The following THRB variants were observed in gnomAD, a reference collection of about 807,000 sequenced individuals.
THRB encodes the protein thyroid hormone receptor beta.
THRB carries 12 observed loss-of-function variants against 47.8 expected under a neutral mutation model. The ratio of observed to expected loss-of-function variants is 0.25; its 90% CI spans 0.16 to 0.41. The LOEUF (loss-of-function observed/expected upper bound fraction) is 0.41. Among genes scored for constraint, THRB ranks in the 10% least tolerant of loss-of-function variants. The probability of loss-of-function intolerance (pLI) is 1.00; values close to 1 mark genes in which losing one functional copy is unlikely to be tolerated. For synonymous variants in THRB, 218 were observed against 212.2 expected (o/e 1.03, Z -0.24); for missense variants, 348 against 589.2 (o/e 0.59, Z 4.24).
chr3:24,234,607 ATGGAGCCCACTCCTGCAAGGCTTAGG>A (rs1300680555), intron 3 of THRB, among the ~76,000 whole-genome samples: 2 of 152,210 alleles, frequency 1.3e-5, no homozygotes, highest in Non-Finnish European at 2.9e-5. Flanking sequence ...TGAATTACTC[ATGGAGCCCACTCCTGCAAGGCTTAGG>A]TGAAGAACCA....
chr3:24,257,385 G>C (rs1209616965), intron 3 of THRB, among the ~76,000 whole-genome samples: 7 of 152,034 alleles, frequency 4.6e-5, no homozygotes, highest in Admixed American at 6.5e-5. Flanking sequence ...AAAACTCTGA[G>C]AAGAAACTAA....
intron 3 of THRB, among the ~76,000 whole-genome samples, chr3:24,263,640 T>G (rs1484110466): frequency 1.3e-5 from 2 of 151,156 alleles, no homozygotes; most frequent in African/African-American, 4.9e-5. Context: ...TTGCTGGCAT[T>G]CCTTCCATAC....
chr3:24,130,747 T>C lies in THRB; in HGVS notation c.885+2569A>G, dbSNP rs551460982. ...GCAACACATATCAAAAGCCTGTATA[T>C]CTCGGTCCTTAAATTCCATGTCCAG... On this transcript the variant is annotated intron_variant, in intron 9 of 10. Transcript: ENST00000646209. 6.6e-5 allele frequency among the ~76,000 whole-genome samples: 10 copies of C among 152,252 alleles called. No homozygotes were observed. In the South Asian group the frequency reaches 2.1e-3, roughly 32 times the overall value.
At chr3:24,135,973 T>C (rs2034619844) in intron 8 of THRB, among the ~76,000 whole-genome samples, 1 of 151,700 alleles carries the variant, frequency 6.6e-6, no homozygotes, top group East Asian at 1.9e-4. Flanking sequence ...TAAACATCTC[T>C]CAATGAATAC....
intron 2 of THRB, among the ~76,000 whole-genome samples, chr3:24,318,073 A>G (rs2058244992): frequency 6.6e-6 from 1 of 152,156 alleles, no homozygotes; most frequent in Non-Finnish European, 1.5e-5. Flanking sequence ...AAAGGAAGGA[A>G]GGAAGGAAGG....
At chr3:24,378,300 G>T (rs1373088922) in intron 1 of THRB, among the ~76,000 whole-genome samples, 1 of 152,192 alleles carries the variant, frequency 6.6e-6, no homozygotes, top group Non-Finnish European at 1.5e-5. Flanking sequence ...TTGGATAAAT[G>T]TAGTAAAATT....
At chr3:24,295,360 A>G (rs893730457) in intron 3 of THRB, among the ~76,000 whole-genome samples, 1 of 152,242 alleles carries the variant, frequency 6.6e-6, no homozygotes, top group Non-Finnish European at 1.5e-5. Context: ...AATACAGTAT[A>G]GGATTACTAG....
At chr3:24,346,145 A>C (rs2063000094) in intron 1 of THRB, among the ~76,000 whole-genome samples, 1 of 152,144 alleles carries the variant, frequency 6.6e-6, no homozygotes, top group African/African-American at 2.4e-5. Flanking sequence ...AATAATTGTT[A>C]TATCTTGTGG....
chr3:24,493,250 T>C (rs561645550), intron 1 of THRB, among the ~76,000 whole-genome samples: 3 of 152,342 alleles, frequency 2.0e-5, no homozygotes, highest in East Asian at 1.9e-4. Flanking sequence ...CAGAAGTGAA[T>C]TGGGGAGCAG....
At chr3:24,476,841 T>G (rs1004682876) in intron 1 of THRB, among the ~76,000 whole-genome samples, 2 of 152,182 alleles carry the variant, frequency 1.3e-5, no homozygotes, top group Non-Finnish European at 2.9e-5. Context: ...TTTGAGACAA[T>G]TTTAACGTTC....
chr3:24,230,017 G>C (rs1370203645), intron 3 of THRB, among the ~76,000 whole-genome samples: 1 of 152,220 alleles, frequency 6.6e-6, no homozygotes, highest in African/African-American at 2.4e-5. Flanking sequence ...GAGGTTTGAA[G>C]ATGCTGTGAG....
intron 4 of THRB, 143 bp downstream of exon 4, chr3:24,228,795 G>T (rs1297026025): frequency 1.9e-5 from 14 of 739,240 alleles, no homozygotes; most frequent in Non-Finnish European, 3.3e-5. Context: ...TTCTAGGGAG[G>T]TATTCACAGG....
intron 2 of THRB, among the ~76,000 whole-genome samples, chr3:24,329,722 T>A (rs911635716): frequency 6.6e-6 from 1 of 152,228 alleles, no homozygotes; most frequent in African/African-American, 2.4e-5. Context: ...CACATTTATA[T>A]AACAGACATT....
At chr3:24,345,674 T>C (rs1367093608) in intron 1 of THRB, among the ~76,000 whole-genome samples, 2 of 152,084 alleles carry the variant, frequency 1.3e-5, no homozygotes, top group African/African-American at 4.8e-5. Context: ...TTTATTATTA[T>C]GCTGGCCCAG....
At chr3:24,145,723 G>A (rs1367272056) in intron 7 of THRB, among the ~76,000 whole-genome samples, 1 of 151,758 alleles carries the variant, frequency 6.6e-6, no homozygotes, top group Non-Finnish European at 1.5e-5. Context: ...TTTTTTCTCA[G>A]TGAAAGAACT....
rs747229498 is a variant in THRB, at chr3:24,120,870, C to G, written c.*2014G>C. 6 of 152,182 alleles carry G rather than the reference C, an allele frequency of 3.9e-5. No homozygotes were observed. Among genetic ancestry groups the G allele is most frequent in the Non-Finnish European group, 7.3e-5 (5 of 68,034 alleles). 9.4% of individuals were successfully genotyped at this position (152,182 alleles called of 1,614,324 possible). A position where few individuals can be genotyped will look rare whatever the true frequency, so the allele number is the denominator to read the frequency against. On this transcript the variant is annotated 3_prime_UTR_variant, in exon 11 of 11. Transcript: ENST00000646209. The stretch of plus-strand genomic sequence containing the variant: ...AAGTTCCATAGCAATGTTCTTGTTT[C>G]CTTTTTCCCAGAAGCCAGTACAATT...
rs1383523573 is a variant in THRB at position 24,207,811 on chromosome 3, C to G, written c.23-17477G>C. On this transcript the variant is annotated intron_variant, in intron 4 of 10. Coordinates refer to ENST00000646209, the MANE Select transcript of THRB (RefSeq NM_001354712.2). ...AAGACAGCGATGCCCTCTCTCACCA[C>G]TCCTATTCAACATAGTGTTGGAAGT... 2.6e-5 allele frequency among the ~76,000 whole-genome samples: 4 copies of G among 152,336 alleles called. 1 individual carries two copies. The highest frequency in any genetic ancestry group is 2.6e-4 in the Admixed American group (4 of 15,308).
chr3:24,190,511 A>C (rs966822754), intron 4 of THRB, among the ~76,000 whole-genome samples, 177 bp from the exon 5 acceptor site: 2 of 152,130 alleles, frequency 1.3e-5, no homozygotes, highest in African/African-American at 4.8e-5. Context: ...TAGCCACTGC[A>C]GTTGGGTTGC....
intron 4 of THRB, among the ~76,000 whole-genome samples, chr3:24,200,741 A>T (rs1458104964): frequency 6.6e-6 from 1 of 152,158 alleles, no homozygotes; most frequent in Non-Finnish European, 1.5e-5. Context: ...TTCAATCTGG[A>T]AAAGTTTGGT....
Sources: allele counts gnomAD v4.1 joint callset (sites outside exome capture counted in the v4.1 genomes callset), GRCh38; gene constraint gnomAD v4.1.1; transcripts MANE v1.5; gene names NCBI Gene and HGNC (gene_info 2026-07-23, HGNC 2026-07-21).